Variants in SCAF8 observed in about 807,000 individuals in gnomAD.
SCAF8 encodes SR-related and CTD-associated factor 8.
SCAF8 carries 23 observed loss-of-function variants against 140.5 expected under a neutral mutation model. The observed-to-expected ratio is 0.16, with a 90% CI of 0.12 to 0.23. The LOEUF (loss-of-function observed/expected upper bound fraction) is 0.23. SCAF8 is among the 10% of genes least tolerant of loss of function. SCAF8 has a pLI of 1.00. For missense variants in SCAF8, 1,397 were observed against 1,555.7 expected (o/e 0.90, Z 1.72); for synonymous variants, 575 against 528.9 (o/e 1.09, Z -1.20).
chr6:154,801,762 C>T lies in SCAF8; in HGVS notation c.607-209C>T, dbSNP rs952157864. 9.9e-5 allele frequency among the ~76,000 whole-genome samples: 15 copies of T among 151,114 alleles called. 1 individual carries two copies. The highest frequency in any genetic ancestry group is 2.9e-4 in the African/African-American group (12 of 41,260). On this transcript the variant is annotated intron_variant, in intron 6 of 19. Transcript: ENST00000367178. The stretch of plus-strand genomic sequence containing the variant: ...AGATCACTTTATTTTGTTTAAAGTT[C>T]GCTGACTTTCCAGAAGTAAGACAAA...
chr6:154,749,857 A>G (rs181239065), intron 1 of SCAF8, among the ~76,000 whole-genome samples: 110 of 152,284 alleles, frequency 7.2e-4, no homozygotes, highest in African/African-American at 2.6e-3. Flanking sequence ...GGAGCAGGGA[A>G]TGGCAATGGC....
At chr6:154,791,811 A>G (rs1186658217) in intron 4 of SCAF8, among the ~76,000 whole-genome samples, 3 of 152,120 alleles carry the variant, frequency 2.0e-5, no homozygotes, top group African/African-American at 7.2e-5. Flanking sequence ...AGAGGTTGAG[A>G]CTAAAACAAA....
intron 18 of SCAF8, 52 bp from the exon 19 acceptor site, chr6:154,830,870 C>A: frequency 7.3e-7 from 1 of 1,379,096 alleles, no homozygotes; most frequent in Non-Finnish European, 1.0e-6. Flanking sequence ...GAAAACTTAG[C>A]ACATGAATTG....
chr6:154,749,695 T>C (rs545908759), intron 1 of SCAF8, among the ~76,000 whole-genome samples: 12 of 152,212 alleles, frequency 7.9e-5, no homozygotes, highest in Admixed American at 3.9e-4. Context: ...GGAGGAGTGA[T>C]TGGATAATTG....
intron 1 of SCAF8, among the ~76,000 whole-genome samples, chr6:154,754,521 T>C (rs1778916861): frequency 6.6e-6 from 1 of 152,258 alleles, no homozygotes; most frequent in South Asian, 2.1e-4. Context: ...CCTAATTTTA[T>C]ACGTTTATAA....
chr6:154,747,776 A>ATT (rs961752102), intron 1 of SCAF8, among the ~76,000 whole-genome samples: 1 of 150,946 alleles, frequency 6.6e-6, no homozygotes, highest in East Asian at 1.9e-4. Context: ...CATTTAACAC[A>ATT]TTTTTTTTTG....
intron 4 of SCAF8, among the ~76,000 whole-genome samples, chr6:154,791,893 G>A (rs1777430518): frequency 6.6e-6 from 1 of 152,156 alleles, no homozygotes; most frequent in South Asian, 2.1e-4. Flanking sequence ...TCTTTATGAG[G>A]AATATAAAAT....
intron 1 of SCAF8, among the ~76,000 whole-genome samples, chr6:154,755,842 G>A (rs1244528992): frequency 6.6e-6 from 1 of 152,166 alleles, no homozygotes; most frequent in African/African-American, 2.4e-5. Context: ...TAGTAGGAAA[G>A]CACAGAGTTC....
In SCAF8 at chr6:154,815,732, C is replaced by A; in HGVS notation, c.1437C>A (p.Leu479=). ...TCTTGACAGTATGTAGTACTACTCT[C>A]TGGGTTGGGCAAGTGGACAAGAAGG... ...SKTLSVCSTT[L]WVGQVDKKAT... is the part of the protein sequence containing the mutation. The change falls in exon 13 of 20, where the codon CTC becomes CTA. Residue 479 remains leucine, a synonymous_variant. Transcript: ENST00000367178. 6.2e-7 allele frequency: 1 copy of A among 1,610,390 alleles called. No individual in the cohort carries two copies. The highest frequency in any genetic ancestry group is 8.5e-7 in the Non-Finnish European group (1 of 1,176,908).
At chr6:154,750,752 G>A (rs1230152159) in intron 1 of SCAF8, among the ~76,000 whole-genome samples, 1 of 151,996 alleles carries the variant, frequency 6.6e-6, no homozygotes, top group Non-Finnish European at 1.5e-5. Flanking sequence ...GCAATTTATT[G>A]TGTACATGGA....
chr6:154,747,535 A>G (rs978013349), intron 1 of SCAF8, among the ~76,000 whole-genome samples: 1 of 151,984 alleles, frequency 6.6e-6, no homozygotes, highest in Non-Finnish European at 1.5e-5. Flanking sequence ...AAACCCATAT[A>G]CGTATACATA....
chr6:154,734,103 G>C (rs1383867930), intron 1 of SCAF8, among the ~76,000 whole-genome samples, 173 bp downstream of exon 1: 2 of 152,196 alleles, frequency 1.3e-5, no homozygotes, highest in African/African-American at 2.4e-5. Context: ...CCCTCCCCCG[G>C]GTCCGGGAGG....
intron 13 of SCAF8, among the ~76,000 whole-genome samples, chr6:154,818,113 A>G (rs1481781838): frequency 6.6e-6 from 1 of 152,234 alleles, no homozygotes; most frequent in Non-Finnish European, 1.5e-5. Context: ...TATTTTGGCC[A>G]TATAATACTA....
intron 1 of SCAF8, among the ~76,000 whole-genome samples, chr6:154,768,613 G>A (rs1776649240): frequency 6.6e-6 from 1 of 152,162 alleles, no homozygotes; most frequent in South Asian, 2.1e-4. Flanking sequence ...GTTTGTAAAT[G>A]ATAAACTAAA....
intron 6 of SCAF8, among the ~76,000 whole-genome samples, chr6:154,801,573 C>CTT (rs1343233860): frequency 6.6e-6 from 1 of 151,432 alleles, no homozygotes; most frequent in African/African-American, 2.4e-5. Context: ...GACTCTCCAA[C>CTT]TTTCAGGAAG....
intron 3 of SCAF8, among the ~76,000 whole-genome samples, chr6:154,780,112 A>G (rs1433738096): frequency 1.3e-5 from 2 of 152,158 alleles, no homozygotes; most frequent in African/African-American, 2.4e-5. Context: ...TTCCTTCACC[A>G]CTAGGATGCC....
intron 3 of SCAF8, among the ~76,000 whole-genome samples, chr6:154,784,054 G>A (rs567476344): frequency 6.7e-6 from 1 of 150,314 alleles, no homozygotes; most frequent in South Asian, 2.1e-4. Context: ...GTGACAGAGC[G>A]AGACTCCGTC....
chr6:154,792,707 C>G lies in SCAF8; in HGVS notation c.322-116C>G, dbSNP rs1384403543. On this transcript the variant is annotated intron_variant, in intron 4 of 19. Coordinates refer to ENST00000367178, the MANE Select transcript of SCAF8 (RefSeq NM_014892.5). ...CATAGAATTTTAGGGCTAGAAAGTACCATTGAAGTATTTTAATTTCTCCTT... is the reference window on the plus strand; with the variant it reads ...CATAGAATTTTAGGGCTAGAAAGTAGCATTGAAGTATTTTAATTTCTCCTT... The G allele has an allele frequency of 6.3e-6, 4 of 634,060 alleles. No homozygotes were observed. In the African/African-American group the frequency reaches 7.5e-5, roughly 12 times the overall value. 39.3% of individuals were successfully genotyped at this position (634,060 alleles called of 1,614,324 possible).
chr6:154,772,687 T>G (rs1291136147), intron 1 of SCAF8, among the ~76,000 whole-genome samples: 3 of 151,820 alleles, frequency 2.0e-5, no homozygotes, highest in East Asian at 3.9e-4. Context: ...AGACCCTGTC[T>G]CAATCAATCA....
Sources: allele counts gnomAD v4.1 joint callset (sites outside exome capture counted in the v4.1 genomes callset), GRCh38; gene constraint gnomAD v4.1.1; transcripts MANE v1.5; gene names NCBI Gene and HGNC (gene_info 2026-07-23, HGNC 2026-07-21).